RORA: variants seen among roughly 807,000 people sequenced by gnomAD.
The protein encoded by RORA is nuclear receptor ROR-alpha.
In RORA, 7 loss-of-function variants were observed where a neutral mutation model predicts 69.5. The observed-to-expected ratio is 0.10, with a 90% CI of 0.06 to 0.19. RORA has a LOEUF of 0.19. Among genes scored for constraint, RORA ranks in the 10% least tolerant of loss-of-function variants. RORA has a pLI of 1.00. For missense variants in RORA, 457 were observed against 663.0 expected (o/e 0.69, Z 3.41); for synonymous variants, 261 against 240.8 (o/e 1.08, Z -0.78).
chr15:60,722,706 T>A (rs960270904), intron 1 of RORA, among the ~76,000 whole-genome samples: 6 of 152,232 alleles, frequency 3.9e-5, no homozygotes, highest in Non-Finnish European at 5.9e-5. Context: ...GGCTGGACTC[T>A]GCTTATTCCT....
intron 1 of RORA, among the ~76,000 whole-genome samples, chr15:60,800,395 C>A (rs1043905329): frequency 1.3e-5 from 2 of 152,176 alleles, no homozygotes; most frequent in Non-Finnish European, 2.9e-5. Flanking sequence ...GAAGGAAATG[C>A]CAGGAAGACT....
At chr15:60,815,995 T>C (rs1025925509) in intron 1 of RORA, among the ~76,000 whole-genome samples, 3 of 123,496 alleles carry the variant, frequency 2.4e-5, no homozygotes, top group African/African-American at 8.6e-5. Context: ...AGTATATATA[T>C]ACTATAAACA....
intron 1 of RORA, among the ~76,000 whole-genome samples, chr15:60,783,444 T>C (rs1287945680): frequency 6.6e-6 from 1 of 152,224 alleles, no homozygotes; most frequent in African/African-American, 2.4e-5. Context: ...ATGAAATGGC[T>C]AAATTGAGCT....
At chr15:60,976,098 G>A (rs1037130037) in intron 1 of RORA, among the ~76,000 whole-genome samples, 5 of 152,192 alleles carry the variant, frequency 3.3e-5, no homozygotes, top group Non-Finnish European at 7.3e-5. Flanking sequence ...CCACAACTCA[G>A]CCCAGGGAAG....
At chr15:60,604,802 A>C (rs998115515) in intron 2 of RORA, among the ~76,000 whole-genome samples, 1 of 152,182 alleles carries the variant, frequency 6.6e-6, no homozygotes, top group African/African-American at 2.4e-5. Context: ...TTTGAGCTTC[A>C]ATTTCCTCTC....
chr15:60,600,097 A>G (rs1289201653), intron 2 of RORA, among the ~76,000 whole-genome samples: 1 of 152,244 alleles, frequency 6.6e-6, no homozygotes, highest in Non-Finnish European at 1.5e-5. Context: ...CTATTAATAT[A>G]GATGCTTCAT....
In RORA at chr15:60,496,810, A is replaced by G. The variant is rs1231050201; in HGVS notation, c.*645T>C. ...GGTGCAAAATGAAAGTGCCTTATCA[A>G]TTCAACAGGAAAAGCTACACCAGTA... On this transcript the variant is annotated 3_prime_UTR_variant, in exon 11 of 11. Coordinates refer to ENST00000335670, the MANE Select transcript of RORA (RefSeq NM_134261.3). This position sits in a 1 kb window ranked among gnomAD's most constrained non-coding sequence, Gnocchi z 4.5. The G allele has an allele frequency of 6.6e-6, 1 of 152,216 alleles. No homozygotes were observed. Among genetic ancestry groups the G allele is most frequent in the Non-Finnish European group, 1.5e-5 (1 of 68,046 alleles). The allele number at this position is 152,216 out of a possible 1,614,324, so 9.4% of individuals were successfully genotyped here. A position where few individuals can be genotyped will look rare whatever the true frequency, so the allele number is the denominator to read the frequency against.
intron 1 of RORA, among the ~76,000 whole-genome samples, chr15:60,985,648 G>A (rs552069421): frequency 7.5e-6 from 1 of 133,834 alleles, no homozygotes; most frequent in Non-Finnish European, 1.5e-5. Context: ...GCAGTGGCAC[G>A]ATCTTGGCTC....
At chr15:60,703,923 C>G (rs898106695) in intron 1 of RORA, among the ~76,000 whole-genome samples, 25 of 151,414 alleles carry the variant, frequency 1.7e-4, no homozygotes, top group Admixed American at 1.4e-3. Context: ...GGACACATAC[C>G]AAAAATTTAA....
chr15:60,737,325 C>G (rs1447253965), intron 1 of RORA, among the ~76,000 whole-genome samples: 1 of 152,158 alleles, frequency 6.6e-6, no homozygotes, highest in Non-Finnish European at 1.5e-5. Flanking sequence ...ATTCCTATGT[C>G]TAAAATTCAT....
At chr15:60,857,798 T>C (rs765259161) in intron 1 of RORA, among the ~76,000 whole-genome samples, 1 of 152,198 alleles carries the variant, frequency 6.6e-6, no homozygotes, top group Admixed American at 6.5e-5. Context: ...CAAAGAACTT[T>C]GGTTTCTGAG....
intron 1 of RORA, among the ~76,000 whole-genome samples, chr15:61,046,153 G>C (rs908631157): frequency 1.6e-4 from 24 of 152,192 alleles, no homozygotes; most frequent in African/African-American, 5.3e-4. Flanking sequence ...ATGTGTGCAT[G>C]GGAGAGGGAA....
chr15:60,681,237 G>T (rs2070638481), intron 1 of RORA, among the ~76,000 whole-genome samples: 1 of 152,132 alleles, frequency 6.6e-6, no homozygotes, highest in South Asian at 2.1e-4. Context: ...AGTTTAATTG[G>T]CATAATAAGA....
intron 1 of RORA, among the ~76,000 whole-genome samples, chr15:60,842,035 A>G (rs1022265959): frequency 4.0e-5 from 6 of 151,602 alleles, no homozygotes; most frequent in African/African-American, 1.2e-4. Context: ...TGCCTTCTCA[A>G]AACATATCTT....
At chr15:61,138,098 T>C (rs974635003) in intron 1 of RORA, among the ~76,000 whole-genome samples, 2 of 152,204 alleles carry the variant, frequency 1.3e-5, no homozygotes, top group Non-Finnish European at 2.9e-5. Context: ...GCTGTTTCCA[T>C]ATCATTCATT....
In RORA at chr15:61,134,161, A is replaced by C. The variant is rs141216553; in HGVS notation, c.166+94892T>G. 5.9e-3 allele frequency among the ~76,000 whole-genome samples: 902 copies of C among 152,272 alleles called. 12 individuals are homozygous for C. The highest frequency in any genetic ancestry group is 0.02 in the African/African-American group (844 of 41,556). On this transcript the variant is annotated intron_variant, in intron 1 of 10. Transcript: ENST00000335670. ...ATTTAGCCATTTATGGCTCAATGAAACTTTATGTCCCTCCCTCAGAGTCTA... is the reference window on the plus strand; with the variant it reads ...ATTTAGCCATTTATGGCTCAATGAACCTTTATGTCCCTCCCTCAGAGTCTA...
chr15:60,591,966 G>A (rs1012049542), intron 2 of RORA, among the ~76,000 whole-genome samples: 10 of 151,788 alleles, frequency 6.6e-5, no homozygotes, highest in African/African-American at 2.4e-4. Context: ...GCGCCTCCCC[G>A]ACCTAGGCCG....
intron 1 of RORA, among the ~76,000 whole-genome samples, chr15:61,136,632 C>G (rs978097083): frequency 6.6e-6 from 1 of 152,098 alleles, no homozygotes; most frequent in Non-Finnish European, 1.5e-5. Flanking sequence ...GAAGTGGAGA[C>G]GCAGTCGAAA....
intron 1 of RORA, among the ~76,000 whole-genome samples, chr15:60,973,595 C>T (rs1332157271): frequency 6.6e-6 from 1 of 152,210 alleles, no homozygotes; most frequent in East Asian, 1.9e-4. Flanking sequence ...AAACTTGTAA[C>T]AGTGGTGACC....
Sources: allele counts gnomAD v4.1 joint callset (sites outside exome capture counted in the v4.1 genomes callset), GRCh38; gene constraint gnomAD v4.1.1; non-coding constraint Gnocchi (gnomAD v3.1); transcripts MANE v1.5; gene names NCBI Gene and HGNC (gene_info 2026-07-23, HGNC 2026-07-21).